NKAIN3: variants seen among roughly 807,000 people sequenced by gnomAD.
NKAIN3 encodes the protein sodium/potassium-transporting ATPase subunit beta-1-interacting protein 3.
A neutral mutation model predicts 30.2 loss-of-function variants in NKAIN3; 25 were observed. The ratio of observed to expected loss-of-function variants is 0.83; its 90% confidence interval spans 0.60 to 1.16. The LOEUF (loss-of-function observed/expected upper bound fraction) is 1.16. Among genes scored for constraint, NKAIN3 ranks in the 50% most tolerant of loss-of-function variants. The pLI is 0.00. For missense variants in NKAIN3, 225 were observed against 254.1 expected, an observed-to-expected ratio of 0.89 and a Z score of 0.78; for synonymous variants, 91 against 89.6, an observed-to-expected ratio of 1.02 and a Z score of -0.09.
In NKAIN3 at chr8:62,780,361, T is replaced by G. The variant is rs577571073; in HGVS notation, c.471+33232T>G. Among the ~76,000 whole-genome samples, 828 of 152,044 alleles carry G rather than the reference T, an allele frequency of 5.4e-3. 6 individuals are homozygous for G. The highest frequency in any genetic ancestry group is 0.019 in the African/African-American group (795 of 41,534). ...ATTTATCAATGAATTACACCAAATG[T>G]ATAAAGAACTAATACCAATTCCCTC... On this transcript the variant is annotated intron_variant, in intron 4 of 6. Transcript: ENST00000623646.
At chr8:62,724,703 A>G (rs1405329347) in intron 3 of NKAIN3, among the ~76,000 whole-genome samples, 1 of 152,062 alleles carries the variant, frequency 6.6e-6, no homozygotes, top group Non-Finnish European at 1.5e-5. Context: ...GTTGCAAATG[A>G]CAGGATCTCA....
At chr8:62,809,759 A>G (rs1015062983) in intron 4 of NKAIN3, among the ~76,000 whole-genome samples, 4 of 152,186 alleles carry the variant, frequency 2.6e-5, no homozygotes, top group Non-Finnish European at 4.4e-5. Flanking sequence ...TAATATCTCT[A>G]CACTTTACAG....
intron 1 of NKAIN3, among the ~76,000 whole-genome samples, chr8:62,565,365 C>CGT (rs3059061): frequency 0.47 from 69,983 of 149,678 alleles, 16,735 homozygotes; most frequent in Non-Finnish European, 0.55. Flanking sequence ...TACGTGTGTG[C>CGT]GTGTGTGTGT....
chr8:62,836,107 G>A (rs2130752407), intron 4 of NKAIN3, among the ~76,000 whole-genome samples: 1 of 152,104 alleles, frequency 6.6e-6, no homozygotes, highest in East Asian at 1.9e-4. Flanking sequence ...AATATTGCAT[G>A]TTCTCACAAG....
rs1264490379 is a variant in NKAIN3 at position 62,948,858 on chromosome 8, G to T, written c.533-5044G>T. Reference sequence around the variant, plus strand: ...TGTTAATTCACGTCTTCGTGCCAATGTTCTGAGCTTTTAGCTCAGCAGAAT... The same window carrying T: ...TGTTAATTCACGTCTTCGTGCCAATTTTCTGAGCTTTTAGCTCAGCAGAAT... On this transcript the variant is annotated intron_variant, in intron 5 of 6. Transcript: ENST00000623646. 2.0e-5 allele frequency among the ~76,000 whole-genome samples: 3 copies of T among 152,184 alleles called. No homozygotes were observed. The East Asian group carries it at 5.8e-4, about 29-fold the overall frequency.
chr8:62,871,824 A>T (rs1015323288), intron 4 of NKAIN3, among the ~76,000 whole-genome samples: 8 of 152,252 alleles, frequency 5.3e-5, no homozygotes, highest in Non-Finnish European at 1.0e-4. Flanking sequence ...TGATCTGACC[A>T]ATCTAGAATA....
intron 4 of NKAIN3, among the ~76,000 whole-genome samples, chr8:62,767,019 G>T (rs76409009): frequency 0.01 from 1,548 of 151,904 alleles, 26 homozygotes; most frequent in African/African-American, 0.034. Context: ...AGGGAATCCA[G>T]CAAGGAGTAG....
chr8:62,722,465 T>C (rs772296871), intron 3 of NKAIN3, among the ~76,000 whole-genome samples: 15 of 152,300 alleles, frequency 9.8e-5, no homozygotes, highest in Non-Finnish European at 2.1e-4. Context: ...TACTACAAAA[T>C]GATGTTCATG....
chr8:62,518,843 T>C (rs1384954645), intron 1 of NKAIN3, among the ~76,000 whole-genome samples: 1 of 152,018 alleles, frequency 6.6e-6, no homozygotes, highest in Non-Finnish European at 1.5e-5. Flanking sequence ...ACCTGGATTC[T>C]AGCTCAGATT....
chr8:62,439,150 T>G (rs1425719287), intron 1 of NKAIN3, among the ~76,000 whole-genome samples: 1 of 152,150 alleles, frequency 6.6e-6, no homozygotes, highest in Non-Finnish European at 1.5e-5. Flanking sequence ...CGATATGATC[T>G]GATGTGAAAA....
intron 3 of NKAIN3, among the ~76,000 whole-genome samples, chr8:62,744,270 A>G (rs1168998697): frequency 3.3e-5 from 5 of 152,248 alleles, no homozygotes; most frequent in Non-Finnish European, 7.3e-5. Flanking sequence ...AAGTTTAAGT[A>G]TAATTTAATG....
intron 3 of NKAIN3, among the ~76,000 whole-genome samples, chr8:62,622,759 A>G (rs923473750): frequency 6.6e-6 from 1 of 151,910 alleles, no homozygotes; most frequent in African/African-American, 2.4e-5. Context: ...TGTCACAGAG[A>G]AAATCTTTTT....
At chr8:62,693,685 G>A (rs1814055062) in intron 3 of NKAIN3, among the ~76,000 whole-genome samples, 2 of 152,204 alleles carry the variant, frequency 1.3e-5, no homozygotes, top group Non-Finnish European at 2.9e-5. Flanking sequence ...GTTAAAGTAT[G>A]GATAAAAGTA....
intron 3 of NKAIN3, among the ~76,000 whole-genome samples, chr8:62,641,729 G>A (rs1178807740): frequency 6.6e-6 from 1 of 152,112 alleles, no homozygotes; most frequent in East Asian, 1.9e-4. Context: ...ACCTATTCTT[G>A]AATATGGAAA....
At chr8:62,613,122 C>T (rs944973276) in intron 3 of NKAIN3, among the ~76,000 whole-genome samples, 10 of 151,996 alleles carry the variant, frequency 6.6e-5, no homozygotes, top group African/African-American at 2.4e-4. Flanking sequence ...GAGTTTTGTT[C>T]CTTCAGGTGA....
At chr8:62,990,206 C>T (rs780212486) in intron 5 of NKAIN3, 1 of 1,543,664 alleles carries the variant, frequency 6.5e-7, no homozygotes, top group Non-Finnish European at 8.8e-7. Flanking sequence ...TCTTTTTATC[C>T]AGATGCTGCA....
At chr8:62,765,291 T>C (rs1178734930) in intron 4 of NKAIN3, among the ~76,000 whole-genome samples, 1 of 140,948 alleles carries the variant, frequency 7.1e-6, no homozygotes, top group Non-Finnish European at 1.5e-5. Flanking sequence ...AGAAAAGAAA[T>C]TATGTCAGAT....
At chr8:62,824,491 A>AACACACACAC (rs6150612) in intron 4 of NKAIN3, among the ~76,000 whole-genome samples, 1 of 148,614 alleles carries the variant, frequency 6.7e-6, no homozygotes, top group African/African-American at 2.5e-5. Context: ...CCACCTCTTC[A>AACACACACAC]ACACACACAC....
intron 3 of NKAIN3, among the ~76,000 whole-genome samples, chr8:62,629,081 T>C (rs890849768): frequency 2.6e-5 from 4 of 152,160 alleles, no homozygotes; most frequent in Admixed American, 2.6e-4. Context: ...CTAATTAATG[T>C]AAGACATAGC....
Sources: gnomAD v4.1 joint callset for allele counts (sites outside exome capture counted in the v4.1 genomes callset) on GRCh38, gnomAD v4.1.1 for gene constraint, MANE v1.5 for transcripts, NCBI Gene and HGNC (gene_info 2026-07-23, HGNC 2026-07-21) for gene names.